HS6ST3: variants seen among roughly 807,000 people sequenced by gnomAD.
HS6ST3 encodes the protein heparan sulfate 6-O-sulfotransferase 3.
In HS6ST3, 12 loss-of-function variants were observed where a neutral mutation model predicts 36.7. That is an observed-to-expected ratio of 0.33 (90% CI 0.21 to 0.53). HS6ST3 has a LOEUF of 0.53. Among genes scored for constraint, HS6ST3 ranks in the 20% least tolerant of loss-of-function variants. The pLI is 0.95. For synonymous variants in HS6ST3, 240 were observed against 257.5 expected, an observed-to-expected ratio of 0.93 and a Z score of 0.65; for missense variants, 584 against 640.9, an observed-to-expected ratio of 0.91 and a Z score of 0.96.
At chr13:96,626,854 ATT>A (rs1218573500) in intron 1 of HS6ST3, among the ~76,000 whole-genome samples, 1 of 152,006 alleles carries the variant, frequency 6.6e-6, no homozygotes, top group Non-Finnish European at 1.5e-5. Flanking sequence ...AAAAATACAT[ATT>A]GTTACTGGCA....
chr13:96,722,083 T>C (rs939679902), intron 1 of HS6ST3, among the ~76,000 whole-genome samples: 2 of 152,102 alleles, frequency 1.3e-5, no homozygotes, highest in Non-Finnish European at 2.9e-5. Flanking sequence ...CTGGCCAACA[T>C]GGTGAAACCT....
chr13:96,787,520 T>C (rs995123567), intron 1 of HS6ST3, among the ~76,000 whole-genome samples: 2 of 152,122 alleles, frequency 1.3e-5, no homozygotes, highest in African/African-American at 4.8e-5. Context: ...TGCATTTCCT[T>C]AATGAGTAAT....
At chr13:96,777,699 C>T (rs769579459) in intron 1 of HS6ST3, among the ~76,000 whole-genome samples, 7 of 152,128 alleles carry the variant, frequency 4.6e-5, no homozygotes, top group Non-Finnish European at 8.8e-5. Flanking sequence ...GAAAAACATT[C>T]CATGTTCATG....
intron 1 of HS6ST3, among the ~76,000 whole-genome samples, chr13:96,796,001 G>C (rs985963509): frequency 1.3e-5 from 2 of 152,090 alleles, no homozygotes; most frequent in South Asian, 4.1e-4. Flanking sequence ...AAGGAAAAAG[G>C]CTATGAAAGC....
intron 1 of HS6ST3, among the ~76,000 whole-genome samples, chr13:96,362,460 T>G (rs929209936): frequency 6.6e-6 from 1 of 152,122 alleles, no homozygotes; most frequent in Non-Finnish European, 1.5e-5. Context: ...TTATCTCTGT[T>G]TTATTTAAAG....
intron 1 of HS6ST3, among the ~76,000 whole-genome samples, chr13:96,705,438 G>T (rs1243681716): frequency 6.6e-6 from 1 of 152,128 alleles, no homozygotes; most frequent in African/African-American, 2.4e-5. Flanking sequence ...ATGGGATACT[G>T]TGTATTTTGG....
intron 1 of HS6ST3, among the ~76,000 whole-genome samples, chr13:96,397,812 G>C (rs2055429743): frequency 6.6e-6 from 1 of 152,008 alleles, no homozygotes; most frequent in South Asian, 2.1e-4. Flanking sequence ...AGTGTGTGAA[G>C]AGCTTTACAC....
At chr13:96,819,601 G>A (rs1248260991) in intron 1 of HS6ST3, among the ~76,000 whole-genome samples, 1 of 152,122 alleles carries the variant, frequency 6.6e-6, no homozygotes, top group Non-Finnish European at 1.5e-5. Flanking sequence ...GTCAGGCCAC[G>A]CAGTGTACCA....
At chr13:96,647,194 A>G (rs1566419819) in intron 1 of HS6ST3, among the ~76,000 whole-genome samples, 1 of 152,048 alleles carries the variant, frequency 6.6e-6, no homozygotes, top group African/African-American at 2.4e-5. Flanking sequence ...AGAAATCAGA[A>G]TACTTAATTT....
chr13:96,155,267 A>G (rs2054105035), intron 1 of HS6ST3, among the ~76,000 whole-genome samples: 1 of 152,208 alleles, frequency 6.6e-6, no homozygotes, highest in Admixed American at 6.5e-5. Flanking sequence ...AGGTGGTATC[A>G]TGATTCTATT....
At chr13:96,444,773 A>G (rs118137069) in intron 1 of HS6ST3, among the ~76,000 whole-genome samples, 2 of 152,302 alleles carry the variant, frequency 1.3e-5, no homozygotes, top group Non-Finnish European at 2.9e-5. Flanking sequence ...TTACTATGCT[A>G]TTTATATATG....
intron 1 of HS6ST3, among the ~76,000 whole-genome samples, chr13:96,329,835 C>A (rs1323039350): frequency 8.2e-6 from 1 of 122,628 alleles, no homozygotes; most frequent in Admixed American, 8.2e-5. Flanking sequence ...TTGTAGGTCA[C>A]TCAGGACTTG....
chr13:96,518,697 T>C (rs1447037778), intron 1 of HS6ST3, among the ~76,000 whole-genome samples: 1 of 152,172 alleles, frequency 6.6e-6, no homozygotes, highest in Non-Finnish European at 1.5e-5. Flanking sequence ...TTTTAAGCTG[T>C]AAACATTAGA....
Position 96,163,390 on chromosome 13 carries a change from T to C in HS6ST3, c.707+71821T>C, listed in dbSNP as rs370546349. Among the ~76,000 whole-genome samples, 500 of 152,040 alleles carry C rather than the reference T, an allele frequency of 3.3e-3. 2 individuals carry two copies. Among genetic ancestry groups the C allele is most frequent in the Non-Finnish European group, 4.9e-3 (334 of 67,954 alleles). ...GACTACAGGCGCCCACCACCATGCCTGGCTAATTTTTTGTATTTTTAGTAG... is the reference window on the plus strand; with the variant it reads ...GACTACAGGCGCCCACCACCATGCCCGGCTAATTTTTTGTATTTTTAGTAG... On this transcript the variant is annotated intron_variant, in intron 1 of 1. Coordinates refer to ENST00000376705, the MANE Select transcript of HS6ST3 (RefSeq NM_153456.4).
At chr13:96,515,658 G>T (rs2056069439) in intron 1 of HS6ST3, among the ~76,000 whole-genome samples, 1 of 152,086 alleles carries the variant, frequency 6.6e-6, no homozygotes, top group Non-Finnish European at 1.5e-5. Flanking sequence ...TGTGAGGAGA[G>T]ATGTGATGGT....
At chr13:96,536,794 G>A (rs900649562) in intron 1 of HS6ST3, among the ~76,000 whole-genome samples, 1 of 152,182 alleles carries the variant, frequency 6.6e-6, no homozygotes, top group Non-Finnish European at 1.5e-5. Context: ...CTCTGGAGAT[G>A]TTTATGCAAA....
chr13:96,431,062 G>A (rs368809072), intron 1 of HS6ST3, among the ~76,000 whole-genome samples: 1 of 152,086 alleles, frequency 6.6e-6, no homozygotes, highest in East Asian at 1.9e-4. Context: ...AGTATAGCAG[G>A]GTGTGGTGGT....
intron 1 of HS6ST3, among the ~76,000 whole-genome samples, chr13:96,247,389 G>T (rs2054589543): frequency 6.6e-6 from 1 of 152,068 alleles, no homozygotes; most frequent in African/African-American, 2.4e-5. Flanking sequence ...ATTGGATCGT[G>T]GGGGTGGTTT....
intron 1 of HS6ST3, among the ~76,000 whole-genome samples, chr13:96,254,138 G>T (rs1051246259): frequency 6.6e-6 from 1 of 151,746 alleles, no homozygotes; most frequent in Non-Finnish European, 1.5e-5. Flanking sequence ...TTTTCCAGCC[G>T]GGCGCGGTGG....
Sources: gnomAD v4.1 joint callset for allele counts (sites outside exome capture counted in the v4.1 genomes callset) on GRCh38, gnomAD v4.1.1 for gene constraint, MANE v1.5 for transcripts, NCBI Gene and HGNC (gene_info 2026-07-23, HGNC 2026-07-21) for gene names.